The following NUCB2 variants were observed in gnomAD, a reference collection of about 807,000 sequenced individuals.
The protein encoded by NUCB2 is nucleobindin-2.
NUCB2 carries 48 observed loss-of-function variants against 57.9 expected under a neutral mutation model. The observed-to-expected ratio is 0.83, with a 90% CI of 0.66 to 1.05. The LOEUF (loss-of-function observed/expected upper bound fraction) is 1.05. Among genes scored for constraint, NUCB2 ranks in the 50% least tolerant of loss-of-function variants. The pLI, the probability that NUCB2 is intolerant of heterozygous loss-of-function variation, is 0.00. For missense variants in NUCB2, 442 were observed against 476.2 expected, an observed-to-expected ratio of 0.93 and a Z score of 0.67; for synonymous variants, 139 against 152.1, an observed-to-expected ratio of 0.91 and a Z score of 0.64.
At chr11:17,346,727 A>AT (rs1167817228) in intron 2 of NUCB2, among the ~76,000 whole-genome samples, 1 of 152,214 alleles carries the variant, frequency 6.6e-6, no homozygotes, top group Non-Finnish European at 1.5e-5. Context: ...GCTTCCTCAA[A>AT]TATCAACATG....
In NUCB2 at chr11:17,339,580, C is replaced by A. The variant is rs1202608909; in HGVS notation, n.2626+2046C>A. The stretch of plus-strand genomic sequence containing the variant: ...ATGTATTCTCATTGTTCAGTTCCCA[C>A]CTATGAGTGAGAACATGTGGTGTTT... On this transcript the variant is annotated intron_variant and non_coding_transcript_variant, in intron 2 of 2. Coordinates refer to the NUCB2 transcript ENST00000532240. Among the ~76,000 whole-genome samples, 11 of 148,102 alleles carry A rather than the reference C, an allele frequency of 7.4e-5. 1 individual carries two copies.
intron 2 of NUCB2, among the ~76,000 whole-genome samples, chr11:17,288,555 T>TTTTTTTTTTTTC (rs1944229192): frequency 8.0e-6 from 1 of 125,104 alleles, no homozygotes; most frequent in African/African-American, 4.1e-5. Context: ...TCTTCTTCTT[T>TTTTTTTTTTTTC]TTTTTTTTTT....
At chr11:17,279,736 A>T (rs1215511604) in intron 1 of NUCB2, among the ~76,000 whole-genome samples, 1 of 151,648 alleles carries the variant, frequency 6.6e-6, no homozygotes, top group Non-Finnish European at 1.5e-5. Flanking sequence ...GCAGCCTAAT[A>T]GAAGTTCAGA....
At chr11:17,297,918 C>T (rs768752710) in intron 4 of NUCB2, among the ~76,000 whole-genome samples, 29 of 151,862 alleles carry the variant, frequency 1.9e-4, no homozygotes, top group Non-Finnish European at 3.4e-4. Flanking sequence ...CCTGTCTCTA[C>T]TAAAAATACA....
In NUCB2 at chr11:17,346,927, G is replaced by A. The variant is rs180771144; in HGVS notation, n.2627-2418G>A. On this transcript the variant is annotated intron_variant and non_coding_transcript_variant, in intron 2 of 2. Transcript: ENST00000532240. ...TGAAAAAAAATTAAATCATTGCAACGATAGTATAATGAATTTGTGAACCCC... is the reference window on the plus strand; with the variant it reads ...TGAAAAAAAATTAAATCATTGCAACAATAGTATAATGAATTTGTGAACCCC... Among the ~76,000 whole-genome samples, 307 of 152,252 alleles carry A rather than the reference G, an allele frequency of 2.0e-3. 1 individual carries two copies. Among genetic ancestry groups the A allele is most frequent in the Admixed American group, 3.7e-3 (56 of 15,304 alleles).
At chr11:17,312,880 T>A (rs922754268) in intron 10 of NUCB2, among the ~76,000 whole-genome samples, 3 of 151,568 alleles carry the variant, frequency 2.0e-5, no homozygotes, top group African/African-American at 4.8e-5. Flanking sequence ...CTGATTTTTT[T>A]ATTTTTAGTA....
At chr11:17,290,988 T>C (rs1944843362) in intron 2 of NUCB2, among the ~76,000 whole-genome samples, 1 of 152,156 alleles carries the variant, frequency 6.6e-6, no homozygotes, top group Non-Finnish European at 1.5e-5. Flanking sequence ...TTCATAAGGT[T>C]ATGCAACCAT....
At chr11:17,298,857 T>C (rs553968771) in intron 4 of NUCB2, among the ~76,000 whole-genome samples, 1 of 152,104 alleles carries the variant, frequency 6.6e-6, no homozygotes, top group East Asian at 1.9e-4. Context: ...GGCCACCTTG[T>C]CTGGCTAATT....
chr11:17,297,501 CTCT>C (rs1212688595), intron 4 of NUCB2, among the ~76,000 whole-genome samples: 3 of 152,174 alleles, frequency 2.0e-5, no homozygotes, highest in Non-Finnish European at 4.4e-5. Context: ...GATAATCCTA[CTCT>C]TCTTCTGAAG....
intron 11 of NUCB2, chr11:17,317,699 C>T (rs1201892191): frequency 5.0e-6 from 1 of 200,784 alleles, no homozygotes; most frequent in Non-Finnish European, 1.1e-5. Context: ...TGACGATCCC[C>T]ATAACTGGTA....
At chr11:17,287,863 G>T (rs1033147414) in intron 2 of NUCB2, among the ~76,000 whole-genome samples, 6 of 151,944 alleles carry the variant, frequency 3.9e-5, no homozygotes, top group Non-Finnish European at 8.8e-5. Flanking sequence ...AGCCGGGTGT[G>T]GTGGTACCCA....
At chr11:17,348,821 C>A (rs1011148199) in intron 2 of NUCB2, among the ~76,000 whole-genome samples, 16 of 152,040 alleles carry the variant, frequency 1.1e-4, no homozygotes, top group Non-Finnish European at 2.4e-4. Flanking sequence ...ACTTGTCACT[C>A]AGGCTGGAGT....
At chr11:17,331,011 TAGGA>T in intron 13 of NUCB2, 28 bp downstream of exon 13, 6 of 1,376,938 alleles carry the variant, frequency 4.4e-6, no homozygotes, top group Non-Finnish European at 6.1e-6. Flanking sequence ...ATTATTTATT[TAGGA>T]AAATAAATTA....
intron 2 of NUCB2, among the ~76,000 whole-genome samples, chr11:17,343,379 C>G (rs1433909903): frequency 6.6e-6 from 1 of 152,140 alleles, no homozygotes; most frequent in Non-Finnish European, 1.5e-5. Context: ...GTTATTTCTG[C>G]TCAACTTTAG....
intron 2 of NUCB2, among the ~76,000 whole-genome samples, chr11:17,346,705 G>A (rs555191262): frequency 1.3e-5 from 2 of 152,172 alleles, no homozygotes; most frequent in South Asian, 2.1e-4. Context: ...ATTCCCATAT[G>A]CCCTTCATCT....
intron 5 of NUCB2, among the ~76,000 whole-genome samples, chr11:17,308,432 T>C (rs1948012928): frequency 6.6e-6 from 1 of 152,202 alleles, no homozygotes; most frequent in Non-Finnish European, 1.5e-5. Context: ...AATGTACATA[T>C]TTTAGAAATG....
chr11:17,305,036 C>T (rs1186301297), intron 5 of NUCB2, among the ~76,000 whole-genome samples: 4 of 152,168 alleles, frequency 2.6e-5, no homozygotes, highest in South Asian at 2.1e-4. Flanking sequence ...AAAAAGGACA[C>T]GAGTAGGCCA....
intron 2 of NUCB2, among the ~76,000 whole-genome samples, chr11:17,290,853 T>G (rs1438706025): frequency 6.6e-6 from 1 of 152,154 alleles, no homozygotes; most frequent in Admixed American, 6.5e-5. Context: ...TTTTTAAAAT[T>G]TTTCACATTT....
Position 17,310,837 on chromosome 11 carries a change from C to A in NUCB2, c.496C>A (p.Leu166Met). 6.3e-7 allele frequency: 1 copy of A among 1,581,726 alleles called. No individual in the cohort carries two copies. The highest frequency in any genetic ancestry group is 1.2e-5 in the South Asian group (1 of 83,994). ...TATTGCATTTCAGGCAACAAGTGAT[C>A]TGGAACACTATGACAAGACTCGTCA... ...DMLIKAATSD[L>M]EHYDKTRHEE... The change falls in exon 7 of 14, where the codon CTG (leucine) becomes ATG (methionine). Residue 166 changes from leucine (L) to methionine (M), a missense_variant. Coordinates refer to ENST00000529010, the MANE Select transcript of NUCB2 (RefSeq NM_005013.4).
Sources: allele counts gnomAD v4.1 joint callset (sites outside exome capture counted in the v4.1 genomes callset), GRCh38; gene constraint gnomAD v4.1.1; transcripts MANE v1.5; gene names NCBI Gene and HGNC (gene_info 2026-07-23, HGNC 2026-07-21).